Variants in SEMA6D observed in about 807,000 individuals in gnomAD.
SEMA6D encodes semaphorin 6D.
SEMA6D carries 35 observed loss-of-function variants against 106.6 expected under a neutral mutation model. The observed-to-expected ratio is 0.33, with a 90% CI of 0.25 to 0.44. The LOEUF is 0.44. Among genes scored for constraint, SEMA6D ranks in the 20% least tolerant of loss-of-function variants. SEMA6D has a pLI of 1.00. For missense variants in SEMA6D, 1,185 were observed against 1,345.9 expected, an observed-to-expected ratio of 0.88 and a Z score of 1.87; for synonymous variants, 499 against 487.7, an observed-to-expected ratio of 1.02 and a Z score of -0.31.
At chr15:47,212,169 C>T (rs893602295) in intron 1 of SEMA6D, among the ~76,000 whole-genome samples, 2 of 152,150 alleles carry the variant, frequency 1.3e-5, no homozygotes, top group Non-Finnish European at 2.9e-5. Flanking sequence ...ATTGTGGTCA[C>T]CAGCTACAAA....
intron 3 of SEMA6D, among the ~76,000 whole-genome samples, chr15:47,513,274 T>C (rs4775691): frequency 0.12 from 17,759 of 152,088 alleles, 1,422 homozygotes; most frequent in East Asian, 0.33. Context: ...CTATAAATTA[T>C]ATTATAATAT....
intron 1 of SEMA6D, among the ~76,000 whole-genome samples, chr15:47,341,787 G>A (rs2037822489): frequency 6.6e-6 from 1 of 152,102 alleles, no homozygotes. Flanking sequence ...GCTTCAGAGG[G>A]CACTGCTTTC....
chr15:47,434,486 A>G (rs1029714104), intron 2 of SEMA6D, among the ~76,000 whole-genome samples: 2 of 152,016 alleles, frequency 1.3e-5, no homozygotes, highest in African/African-American at 2.4e-5. Flanking sequence ...TTCTTGCTAC[A>G]TGCTATCCTG....
chr15:47,258,463 A>C (rs934062425), intron 1 of SEMA6D, among the ~76,000 whole-genome samples: 1 of 152,188 alleles, frequency 6.6e-6, no homozygotes, highest in Admixed American at 6.5e-5. Context: ...GGCATCATCC[A>C]ATCTGCTCAG....
rs544968222 is a variant in SEMA6D at position 47,764,288 on chromosome 15, C to G, written c.1080C>G (p.Asp360Glu). Residue 360 changes from aspartate to glutamate, a missense_variant, in exon 11 of 19, where the codon GAC (aspartate) becomes GAG (glutamate). Coordinates refer to ENST00000536845, the MANE Select transcript of SEMA6D (RefSeq NM_001358351.3). ...PDSVWTAVPEDKVPKPRPGCC... is the reference protein window; with the variant it reads ...PDSVWTAVPEEKVPKPRPGCC... ...CTGTTTGGACAGCAGTTCCCGAAGACAAAGTGCCAAAGCCAAGGTAAATAA... is the reference window on the plus strand; with the variant it reads ...CTGTTTGGACAGCAGTTCCCGAAGAGAAAGTGCCAAAGCCAAGGTAAATAA... 1 of 1,613,286 alleles carries G rather than the reference C, an allele frequency of 6.2e-7. No individual in the cohort carries two copies. The highest frequency in any genetic ancestry group is 8.5e-7 in the Non-Finnish European group (1 of 1,179,638).
chr15:47,769,411 G>A (rs367866610), intron 18 of SEMA6D, among the ~76,000 whole-genome samples: 1 of 151,798 alleles, frequency 6.6e-6, no homozygotes, highest in Non-Finnish European at 1.5e-5. Flanking sequence ...GATTTATATC[G>A]GTTGATTTTC....
intron 4 of SEMA6D, among the ~76,000 whole-genome samples, chr15:47,653,439 A>C (rs540864551): frequency 4.2e-4 from 64 of 152,342 alleles, no homozygotes; most frequent in Admixed American, 8.5e-4. Flanking sequence ...ACCCAGAGAA[A>C]ATGCCAACTC....
intron 2 of SEMA6D, among the ~76,000 whole-genome samples, chr15:47,467,530 A>G (rs1298449900): frequency 6.6e-6 from 1 of 152,158 alleles, no homozygotes; most frequent in African/African-American, 2.4e-5. Context: ...CTGGAAACTA[A>G]CTACTGGAAA....
chr15:47,288,616 GT>G (rs1318846346), intron 1 of SEMA6D, among the ~76,000 whole-genome samples: 15 of 152,176 alleles, frequency 9.9e-5, no homozygotes, highest in African/African-American at 3.6e-4. Context: ...GAATGGTTAA[GT>G]GAGTGAGTTA....
At chr15:47,688,755 T>A (rs181422466) in intron 4 of SEMA6D, among the ~76,000 whole-genome samples, 1 of 152,202 alleles carries the variant, frequency 6.6e-6, no homozygotes, top group African/African-American at 2.4e-5. Flanking sequence ...CAAACTGTAC[T>A]TCAGTTTCTT....
At chr15:47,320,638 ATGC>A (rs2036888311) in intron 1 of SEMA6D, among the ~76,000 whole-genome samples, 1 of 152,032 alleles carries the variant, frequency 6.6e-6, no homozygotes, top group Non-Finnish European at 1.5e-5. Context: ...TACCTCTTTC[ATGC>A]TTTACTAACT....
intron 1 of SEMA6D, among the ~76,000 whole-genome samples, chr15:47,400,591 T>C (rs2040367194): frequency 6.6e-6 from 1 of 152,180 alleles, no homozygotes; most frequent in Admixed American, 6.5e-5. Context: ...CTGACATTTA[T>C]AAGGACCTAA....
At chr15:47,321,207 C>T (rs2036909818) in intron 1 of SEMA6D, among the ~76,000 whole-genome samples, 1 of 152,170 alleles carries the variant, frequency 6.6e-6, no homozygotes, top group African/African-American at 2.4e-5. Context: ...TAAAGAGTAT[C>T]TGGTACAGTC....
chr15:47,661,480 G>C (rs1313907721), intron 4 of SEMA6D, among the ~76,000 whole-genome samples: 2 of 152,190 alleles, frequency 1.3e-5, no homozygotes, highest in African/African-American at 4.8e-5. Flanking sequence ...TCTGGGTGAG[G>C]GGTGAAGCTA....
intron 4 of SEMA6D, among the ~76,000 whole-genome samples, chr15:47,685,729 A>G (rs2145667702): frequency 6.6e-6 from 1 of 152,272 alleles, no homozygotes. Context: ...GAACATGTGA[A>G]CAAGGATCCT....
rs529915264 is a variant in SEMA6D, at chr15:47,289,908, G to A, written c.-239+105490G>A. ...CTGATGCTTGAGGGGTGGGGAGTGC[G>A]CCACTGTAACTTCATCCTGGGAGGA... On this transcript the variant is annotated intron_variant, in intron 1 of 19. Coordinates refer to the SEMA6D transcript ENST00000558014. Among the ~76,000 whole-genome samples, 8 of 151,764 alleles carry A rather than the reference G, an allele frequency of 5.3e-5. No individual in the cohort carries two copies. The South Asian group carries it at 1.2e-3, about 24-fold the overall frequency.
intron 1 of SEMA6D, among the ~76,000 whole-genome samples, chr15:47,270,125 AAAT>A (rs1335783246): frequency 4.0e-5 from 6 of 148,548 alleles, no homozygotes; most frequent in African/African-American, 7.3e-5. Flanking sequence ...CATGTTTATT[AAAT>A]AATATATATT....
chr15:47,611,482 A>T (rs763786498), intron 4 of SEMA6D, among the ~76,000 whole-genome samples: 1 of 152,254 alleles, frequency 6.6e-6, no homozygotes, highest in Non-Finnish European at 1.5e-5. Flanking sequence ...TTTGTATACA[A>T]TATAACGAAC....
chr15:47,250,552 ACTTT>A (rs146154517), intron 1 of SEMA6D, among the ~76,000 whole-genome samples: 24,080 of 152,054 alleles, frequency 0.16, 3,171 homozygotes, highest in East Asian at 0.67. Flanking sequence ...TTGTTTAAAA[ACTTT>A]CTTTACGTAA....
Sources: gnomAD v4.1 joint callset for allele counts (sites outside exome capture counted in the v4.1 genomes callset) on GRCh38, gnomAD v4.1.1 for gene constraint, MANE v1.5 for transcripts, NCBI Gene and HGNC (gene_info 2026-07-23, HGNC 2026-07-21) for gene names.